CRISP3: variants seen among roughly 807,000 people sequenced by gnomAD.
CRISP3 encodes cysteine rich secretory protein 3, also known as cysteine-rich secretory protein 3.
In CRISP3, 33 loss-of-function variants were observed where a neutral mutation model predicts 36.1. The ratio of observed to expected loss-of-function variants is 0.91; its 90% CI spans 0.69 to 1.22. CRISP3 has a LOEUF of 1.22. Ranked by LOEUF, CRISP3 falls within the 50% of genes most tolerant of loss-of-function variation. The probability of loss-of-function intolerance (pLI) is 0.00; values close to 1 mark genes in which losing one functional copy is unlikely to be tolerated. For synonymous variants in CRISP3, 117 were observed against 104.6 expected (o/e 1.12, Z -0.72); for missense variants, 330 against 301.2 (o/e 1.10, Z -0.71).
chr6:49,733,105 C>A, intron 6 of CRISP3, 90 bp downstream of exon 6: 4 of 706,148 alleles, frequency 5.7e-6, no homozygotes, highest in Non-Finnish European at 8.9e-6. Context: ...TCTCCTTCAC[C>A]TTTACTTAAA....
chr6:49,730,492 T>G (rs1267331164), intron 7 of CRISP3, among the ~76,000 whole-genome samples: 2 of 152,182 alleles, frequency 1.3e-5, no homozygotes, highest in Non-Finnish European at 2.9e-5. Context: ...TTGAGCCATA[T>G]TCTATGGTCT....
Position 49,731,241 on chromosome 6 carries a change from C to A in CRISP3, c.571G>T (p.Ala191Ser). The change falls in exon 7 of 8, where the codon GCT becomes TCT. Residue 191 changes from alanine to serine, a missense_variant. By Grantham distance (99) the Ala-to-Ser change is moderately conservative (BLOSUM62 1). Transcript: ENST00000263045. ...TCATAAGGGACATATAGTCTATTAG[C>A]CCAATTACCACTGAAATTTGAAATA... ...VCQYCPAGNW[A>S]NRLYVPYEQG... is the part of the protein sequence containing the mutation. The A allele has an allele frequency of 6.3e-7, 1 of 1,590,400 alleles. No homozygotes were observed. Among genetic ancestry groups the A allele is most frequent in the South Asian group, 1.2e-5 (1 of 85,398 alleles).
intron 7 of CRISP3, among the ~76,000 whole-genome samples, chr6:49,730,303 C>G (rs1018699760): frequency 1.3e-5 from 2 of 151,912 alleles, no homozygotes; most frequent in Non-Finnish European, 2.9e-5. Context: ...CAAACTAATA[C>G]TACATACAGA....
In CRISP3 at chr6:49,735,500, A is replaced by G; in HGVS notation, c.316+4T>C. 1 of 1,597,054 alleles carries G rather than the reference A, an allele frequency of 6.3e-7. No individual in the cohort carries two copies. Among genetic ancestry groups the G allele is most frequent in the Admixed American group, 1.7e-5 (1 of 58,936 alleles). On this transcript the variant is annotated splice_donor_region_variant and intron_variant, in intron 4 of 7. Coordinates refer to ENST00000263045, the MANE Select transcript of CRISP3 (RefSeq NM_006061.4). ...ATTCAACAAATATTTCCTAATTTACATACTTGTCATTCGATCCTTTGGGTT... is the reference window on the plus strand; with the variant it reads ...ATTCAACAAATATTTCCTAATTTACGTACTTGTCATTCGATCCTTTGGGTT...
chr6:49,728,666 T>A lies in CRISP3; in HGVS notation c.*64A>T. 7.2e-7 allele frequency: 1 copy of A among 1,391,712 alleles called. No homozygotes were observed. The highest frequency in any genetic ancestry group is 9.5e-7 in the Non-Finnish European group (1 of 1,047,526). 86.2% of individuals were successfully genotyped at this position (1,391,712 alleles called of 1,614,324 possible). On this transcript the variant is annotated 3_prime_UTR_variant, in exon 8 of 8. Transcript: ENST00000263045. ...CTAGTATATGTTAAATCTAAGTAGA[T>A]GCCAAATCTAAGTAGATAATCTGAC...
intron 1 of CRISP3, among the ~76,000 whole-genome samples, chr6:49,741,380 A>G (rs1458727176): frequency 1.3e-5 from 2 of 152,062 alleles, no homozygotes; most frequent in Non-Finnish European, 2.9e-5. Context: ...CGTAAGAATA[A>G]TAGTAAATAA....
intron 3 of CRISP3, among the ~76,000 whole-genome samples, chr6:49,736,070 A>G (rs999949025): frequency 7.0e-6 from 1 of 143,858 alleles, no homozygotes. Flanking sequence ...CATTTATCTT[A>G]AAAGGAAAAG....
intron 5 of CRISP3, 61 bp from the exon 6 acceptor site, chr6:49,733,353 A>G: frequency 9.3e-7 from 1 of 1,072,480 alleles, no homozygotes; most frequent in Non-Finnish European, 1.4e-6. Flanking sequence ...ACCAAAAAAC[A>G]AATAGTAGGA....
chr6:49,740,883 C>T (rs1268585969), intron 1 of CRISP3, among the ~76,000 whole-genome samples: 1 of 151,770 alleles, frequency 6.6e-6, no homozygotes. Flanking sequence ...GAGCAGATCA[C>T]GAGGTCAAGA....
At chr6:49,740,732 A>G (rs191711490) in intron 1 of CRISP3, among the ~76,000 whole-genome samples, 183 of 152,094 alleles carry the variant, frequency 1.2e-3, no homozygotes, top group Non-Finnish European at 2.1e-3. Flanking sequence ...CTTTATTTGC[A>G]AAATTCTGCA....
chr6:49,741,229 C>T (rs1769194573), intron 1 of CRISP3, among the ~76,000 whole-genome samples: 1 of 151,434 alleles, frequency 6.6e-6, no homozygotes, highest in Non-Finnish European at 1.5e-5. Context: ...TGATAGCACT[C>T]TCCAGTGCTC....
At chr6:49,743,738 ATGACTGAGTAGACTGAC>A (rs1769263632) in intron 1 of CRISP3, among the ~76,000 whole-genome samples, 3 of 152,112 alleles carry the variant, frequency 2.0e-5, no homozygotes, top group Admixed American at 2.0e-4. Flanking sequence ...CTACATAAAC[ATGACTGAGTAGACTGAC>A]TTTTGACTGA....
chr6:49,743,047 A>G (rs904552533), intron 1 of CRISP3, among the ~76,000 whole-genome samples: 12 of 152,320 alleles, frequency 7.9e-5, no homozygotes, highest in Middle Eastern at 3.4e-3. Flanking sequence ...CTTTCATCTT[A>G]TTATGTATCT....
chr6:49,736,193 C>T (rs1213497818), intron 3 of CRISP3, among the ~76,000 whole-genome samples, 198 bp downstream of exon 3: 3 of 151,998 alleles, frequency 2.0e-5, no homozygotes, highest in African/African-American at 7.3e-5. Context: ...TTTAAATAGC[C>T]CTATGAATTT....
intron 1 of CRISP3, 93 bp downstream of exon 1, chr6:49,744,238 C>T (rs920425289): frequency 1.4e-4 from 122 of 859,752 alleles, no homozygotes; most frequent in African/African-American, 9.3e-4. Flanking sequence ...ATAAAATATA[C>T]GAATATATCA....
At chr6:49,733,875 G>A (rs1450731501) in intron 4 of CRISP3, 27 bp from the exon 5 acceptor site, 1 of 1,606,890 alleles carries the variant, frequency 6.2e-7, no homozygotes, top group Non-Finnish European at 8.5e-7. Context: ...CACTCATGAG[G>A]AAAGCAATAA....
At chr6:49,737,262 T>C (rs1189416578) in intron 2 of CRISP3, 63 bp downstream of exon 2, 2 of 1,276,292 alleles carry the variant, frequency 1.6e-6, no homozygotes, top group Non-Finnish European at 2.3e-6. Context: ...AAGATTGATC[T>C]AGTAGCTTGC....
At chr6:49,740,032 A>G (rs999725023) in intron 1 of CRISP3, among the ~76,000 whole-genome samples, 1 of 152,144 alleles carries the variant, frequency 6.6e-6, no homozygotes, top group Non-Finnish European at 1.5e-5. Flanking sequence ...GATTTCAAAG[A>G]TTTATGATTT....
rs1347471127 is a variant in CRISP3 at position 49,735,518 on chromosome 6, T to G, written c.302A>C (p.Lys101Thr). 6.2e-7 allele frequency: 1 copy of G among 1,609,628 alleles called. No individual in the cohort carries two copies. ...AATTTACATACTTGTCATTCGATCCTTTGGGTTACTGTGTCTGTAATTGCA... is the reference window on the plus strand; with the variant it reads ...AATTTACATACTTGTCATTCGATCCGTTGGGTTACTGTGTCTGTAATTGCA... The part of the protein sequence containing the change: ...NQCNYRHSNP[K>T]DRMTSLKCGE... The change falls in exon 4 of 8, where the codon AAG (lysine) becomes ACG (threonine). Residue 101 changes from lysine to threonine, a missense_variant. Lys to Thr is a moderately conservative substitution (Grantham distance 78). Coordinates refer to ENST00000263045, the MANE Select transcript of CRISP3 (RefSeq NM_006061.4).
Sources: allele counts gnomAD v4.1 joint callset (sites outside exome capture counted in the v4.1 genomes callset), GRCh38; gene constraint gnomAD v4.1.1; transcripts MANE v1.5; gene names NCBI Gene and HGNC (gene_info 2026-07-23, HGNC 2026-07-21).